The following LRRC75A variants were observed in gnomAD, a reference collection of about 807,000 sequenced individuals.
The protein encoded by LRRC75A is leucine rich repeat containing 75A.
Under a neutral mutation model 26.0 loss-of-function variants are expected in LRRC75A, and 12 were observed. The observed-to-expected ratio is 0.46, with a 90% CI of 0.30 to 0.75. The LOEUF (loss-of-function observed/expected upper bound fraction) is 0.75. Ranked by LOEUF, LRRC75A falls within the 30% of genes least tolerant of loss-of-function variation. The pLI is 0.08. For synonymous variants in LRRC75A, 223 were observed against 219.3 expected (o/e 1.02, Z -0.15); for missense variants, 410 against 486.6 (o/e 0.84, Z 1.48).
intron 2 of LRRC75A, 57 bp from the exon 3 acceptor site, chr17:16,448,017 C>T: frequency 6.9e-7 from 1 of 1,439,184 alleles, no homozygotes. Context: ...CCAGTCTCAG[C>T]CCCCAGGCTT....
intron 1 of LRRC75A, among the ~76,000 whole-genome samples, chr17:16,480,646 A>AAC (rs1555893209): frequency 3.3e-5 from 5 of 151,476 alleles, no homozygotes; most frequent in African/African-American, 4.9e-5. Context: ...AAAAAAACAA[A>AAC]AAAAAAAAAC....
At chr17:16,478,196 T>TC (rs1416782390) in intron 1 of LRRC75A, among the ~76,000 whole-genome samples, 3 of 150,730 alleles carry the variant, frequency 2.0e-5, no homozygotes, top group Non-Finnish European at 3.0e-5. Context: ...TTTTTCTTTT[T>TC]TTTTTTTTTG....
At chr17:16,477,380 G>C (rs1196962131) in intron 1 of LRRC75A, among the ~76,000 whole-genome samples, 1 of 152,264 alleles carries the variant, frequency 6.6e-6, no homozygotes, top group African/African-American at 2.4e-5. Flanking sequence ...TCTGGATTCA[G>C]ACCTCTTGCT....
chr17:16,461,229 T>G (rs1051898238), intron 2 of LRRC75A: 4 of 152,248 alleles, frequency 2.6e-5, no homozygotes, highest in African/African-American at 9.7e-5. Context: ...CAAGTCTGTA[T>G]CCAGGCCGAG....
At chr17:16,464,782 C>T (rs1308637019) in intron 1 of LRRC75A, among the ~76,000 whole-genome samples, 3 of 152,104 alleles carry the variant, frequency 2.0e-5, no homozygotes, top group Admixed American at 1.3e-4. Context: ...ACACGAGGGA[C>T]CCCGGGACAC....
rs1385675014 is a variant in LRRC75A, at chr17:16,442,939, G to A, written c.*649C>T. ...ATGTCTGTCCTGAGCACTACCACAT[G>A]GCATCGTAGGCTGCTCTGTCAAAGG... On this transcript the variant is annotated 3_prime_UTR_variant, in exon 4 of 4. Coordinates refer to ENST00000470794, the MANE Select transcript of LRRC75A (RefSeq NM_001113567.3). 3 of 152,314 alleles carry A rather than the reference G, an allele frequency of 2.0e-5. No individual in the cohort carries two copies. Among genetic ancestry groups the A allele is most frequent in the Non-Finnish European group, 2.9e-5 (2 of 68,124 alleles). The allele number at this position is 152,314 out of a possible 1,614,324, so 9.4% of individuals were successfully genotyped here.
At chr17:16,484,511 C>A (rs755538702) in intron 1 of LRRC75A, among the ~76,000 whole-genome samples, 1 of 152,124 alleles carries the variant, frequency 6.6e-6, no homozygotes. Flanking sequence ...TCAAATCGAG[C>A]CGGGCACCCT....
intron 2 of LRRC75A, among the ~76,000 whole-genome samples, chr17:16,452,597 C>T (rs1601101495): frequency 6.6e-6 from 1 of 151,994 alleles, no homozygotes; most frequent in African/African-American, 2.4e-5. Context: ...CACCACACCC[C>T]GCTAATTTTT....
At chr17:16,485,681 T>TGTGTGTGTGTGTGTGTGTGTGTGTGTTC (rs748088509) in intron 1 of LRRC75A, among the ~76,000 whole-genome samples, 19 of 135,528 alleles carry the variant, frequency 1.4e-4, no homozygotes, top group African/African-American at 5.4e-4. Context: ...CGTGTGTGTG[T>TGTGTGTGTGTGTGTGTGTGTGTGTGTTC]GTGTGTGTGT....
At chr17:16,446,363 A>G (rs2093585588) in intron 3 of LRRC75A, among the ~76,000 whole-genome samples, 3 of 152,180 alleles carry the variant, frequency 2.0e-5, no homozygotes, top group African/African-American at 7.2e-5. Context: ...GTGTGGGGCG[A>G]TACTGTAGCG....
intron 1 of LRRC75A, among the ~76,000 whole-genome samples, chr17:16,468,027 A>C (rs2093782675): frequency 2.0e-5 from 3 of 152,222 alleles, no homozygotes; most frequent in Non-Finnish European, 2.9e-5. Context: ...TCCAGTTCTC[A>C]GATCCAAAAA....
chr17:16,486,411 C>A (rs1472997742), intron 1 of LRRC75A, among the ~76,000 whole-genome samples: 1 of 152,208 alleles, frequency 6.6e-6, no homozygotes, highest in African/African-American at 2.4e-5. Context: ...GCTGCTATTT[C>A]CCCAGCCAGT....
chr17:16,453,937 A>C lies in LRRC75A; in HGVS notation c.376-5977T>G, dbSNP rs1292255724. Among the ~76,000 whole-genome samples, 7 of 152,158 alleles carry C rather than the reference A, an allele frequency of 4.6e-5. No individual in the cohort carries two copies. In the South Asian group the frequency reaches 6.2e-4, roughly 13 times the overall value. Reference sequence around the variant, plus strand: ...TCACTCTCTCCCTTCTGTCTTGAAGACCATTCCAGAGGGGTAGGAAGGAAC... The same window carrying C: ...TCACTCTCTCCCTTCTGTCTTGAAGCCCATTCCAGAGGGGTAGGAAGGAAC... On this transcript the variant is annotated intron_variant, in intron 2 of 3. Coordinates refer to ENST00000470794, the MANE Select transcript of LRRC75A (RefSeq NM_001113567.3).
At chr17:16,485,046 G>C (rs2093843209) in intron 1 of LRRC75A, among the ~76,000 whole-genome samples, 1 of 151,680 alleles carries the variant, frequency 6.6e-6, no homozygotes, top group Non-Finnish European at 1.5e-5. Context: ...AGGGAGGAGA[G>C]CAGGCACCAT....
intron 1 of LRRC75A, among the ~76,000 whole-genome samples, chr17:16,473,535 T>A (rs956312009): frequency 6.6e-5 from 10 of 152,016 alleles, no homozygotes; most frequent in African/African-American, 2.2e-4. Context: ...CCCAAGGAGG[T>A]GTCCATTAGC....
chr17:16,464,402 C>T (rs888493196), intron 1 of LRRC75A, among the ~76,000 whole-genome samples: 2 of 152,214 alleles, frequency 1.3e-5, no homozygotes, highest in African/African-American at 4.8e-5. Flanking sequence ...TCAGCCAGGG[C>T]TGCATCCTGA....
At chr17:16,461,154 G>C (rs914940319) in intron 2 of LRRC75A, 4 of 152,456 alleles carry the variant, frequency 2.6e-5, no homozygotes, top group Non-Finnish European at 5.9e-5. Flanking sequence ...CAAAGCCGCA[G>C]ATGGAGCTCA....
chr17:16,478,163 C>T (rs1277959255), intron 1 of LRRC75A, among the ~76,000 whole-genome samples: 1 of 151,752 alleles, frequency 6.6e-6, no homozygotes, highest in Non-Finnish European at 1.5e-5. Context: ...CCACACTCCA[C>T]CTCTTGCCCA....
At chr17:16,473,589 C>G in intron 1 of LRRC75A, among the ~76,000 whole-genome samples, 1 of 152,204 alleles carries the variant, frequency 6.6e-6, no homozygotes, top group Middle Eastern at 3.2e-3. Flanking sequence ...GGGAGGGCTG[C>G]TCTGCAGAGG....
Sources: allele counts gnomAD v4.1 joint callset (sites outside exome capture counted in the v4.1 genomes callset), GRCh38; gene constraint gnomAD v4.1.1; transcripts MANE v1.5; gene names NCBI Gene and HGNC (gene_info 2026-07-23, HGNC 2026-07-21).